Variants in CRISPLD2 observed in about 807,000 individuals in gnomAD.
The protein encoded by CRISPLD2 is cysteine rich secretory protein LCCL domain containing 2, also known as cysteine-rich secretory protein LCCL domain-containing 2.
In CRISPLD2, 47 loss-of-function variants were observed where a neutral mutation model predicts 71.1. That is an observed-to-expected ratio of 0.66 (90% confidence interval 0.52 to 0.84). CRISPLD2 has a LOEUF of 0.84. Ranked by LOEUF, CRISPLD2 falls within the 40% of genes least tolerant of loss-of-function variation. The pLI, the probability that CRISPLD2 is intolerant of heterozygous loss-of-function variation, is 0.00. For synonymous variants in CRISPLD2, 317 were observed against 250.1 expected (o/e 1.27, Z -2.52); for missense variants, 830 against 651.1 (o/e 1.27, Z -2.99).
chr16:84,859,194 G>A (rs754499122), intron 6 of CRISPLD2, among the ~76,000 whole-genome samples: 7 of 152,216 alleles, frequency 4.6e-5, no homozygotes, highest in Non-Finnish European at 8.8e-5. Context: ...CAGCTGCTAA[G>A]TATGTCTATG....
At chr16:84,833,686 T>C (rs2143157702) in intron 1 of CRISPLD2, among the ~76,000 whole-genome samples, 1 of 152,292 alleles carries the variant, frequency 6.6e-6, no homozygotes. Context: ...CAGCTCATCA[T>C]ATCTGGGTCA....
chr16:84,858,410 G>C (rs1161006343), intron 6 of CRISPLD2, among the ~76,000 whole-genome samples: 6 of 152,144 alleles, frequency 3.9e-5, no homozygotes, highest in Non-Finnish European at 8.8e-5. Context: ...ATTGTAGGAG[G>C]GGCCAAATGC....
chr16:84,854,789 C>T lies in CRISPLD2; in HGVS notation c.669C>T (p.Pro223=). 1 of 1,614,172 alleles carries T rather than the reference C, an allele frequency of 6.2e-7. No individual in the cohort carries two copies. The highest frequency in any genetic ancestry group is 8.5e-7 in the Non-Finnish European group (1 of 1,180,016). Residue 223 remains proline (P), a synonymous_variant, in exon 6 of 15, where the codon CCC becomes CCT. Transcript: ENST00000262424. Reference sequence around the variant, plus strand: ...GCCGGCCCTGCTCTGAGTGCCCACCCAGCTATGGAGGCAGCTGCAGGAACA... The same window carrying T: ...GCCGGCCCTGCTCTGAGTGCCCACCTAGCTATGGAGGCAGCTGCAGGAACA... ...KNGRPCSECP[P]SYGGSCRNNL... is the part of the protein sequence containing the mutation.
Position 84,907,867 on chromosome 16 carries a change from C to T in CRISPLD2, c.*1225C>T, listed in dbSNP as rs913248562. 3.9e-5 allele frequency: 6 copies of T among 152,318 alleles called. No homozygotes were observed. Among genetic ancestry groups the T allele is most frequent in the Non-Finnish European group, 8.8e-5 (6 of 68,026 alleles). 9.4% of individuals were successfully genotyped at this position (152,318 alleles called of 1,614,324 possible). A position where few individuals can be genotyped will look rare whatever the true frequency, so the allele number is the denominator to read the frequency against. On this transcript the variant is annotated 3_prime_UTR_variant, in exon 15 of 15. Coordinates refer to ENST00000262424, the MANE Select transcript of CRISPLD2 (RefSeq NM_031476.4). ...TCCCGAGGCGCCAAGGAGTGTAGTA[C>T]ACCCTGGCTGCCATCACTCTATAAA...
At chr16:84,892,249 C>T (rs959503599) in intron 14 of CRISPLD2, among the ~76,000 whole-genome samples, 2 of 152,186 alleles carry the variant, frequency 1.3e-5, no homozygotes, top group Non-Finnish European at 2.9e-5. Context: ...TCTGCTGAAT[C>T]GGAATCTCTG....
rs747279745 is a variant in CRISPLD2, at chr16:84,873,127, C to G, written c.1112+5C>G. 5 of 1,610,114 alleles carry G rather than the reference C, an allele frequency of 3.1e-6. No individual in the cohort carries two copies. Among genetic ancestry groups the G allele is most frequent in the Non-Finnish European group, 3.4e-6 (4 of 1,178,576 alleles). On this transcript the variant is annotated splice_donor_5th_base_variant and intron_variant, in intron 10 of 14. Coordinates refer to ENST00000262424, the MANE Select transcript of CRISPLD2 (RefSeq NM_031476.4). ...ACACGGCGTGCAGTCCCTCAGGTAA[C>G]TACTCTGTGATCGGGGCTCTGTGAA...
At chr16:84,858,566 C>G (rs1283947577) in intron 6 of CRISPLD2, among the ~76,000 whole-genome samples, 1 of 152,210 alleles carries the variant, frequency 6.6e-6, no homozygotes, top group African/African-American at 2.4e-5. Flanking sequence ...ACCAATAAGT[C>G]CAACGTGTTT....
At position 84,871,871 on chromosome 16, in the gene CRISPLD2, A is replaced by G. The variant is rs982658271; in HGVS notation, c.915-571A>G. Among the ~76,000 whole-genome samples, 44 of 18,418 alleles carry G rather than the reference A, an allele frequency of 2.4e-3. 2 individuals are homozygous for G. In the African/African-American group the frequency reaches 0.033, roughly 14 times the overall value. 12.1% of individuals were successfully genotyped at this position (18,418 alleles called of 152,430 possible). A position where few individuals can be genotyped will look rare whatever the true frequency, so the allele number is the denominator to read the frequency against. On this transcript the variant is annotated intron_variant, in intron 8 of 14. Transcript: ENST00000262424. ...CTGGCCTTGTTTTTTTTCAAATGAG[A>G]AAAAAAAAAAAAAAAAAAAAAAAAA...
At chr16:84,822,409 A>G (rs1916251158) in intron 1 of CRISPLD2, among the ~76,000 whole-genome samples, 1 of 152,224 alleles carries the variant, frequency 6.6e-6, no homozygotes, top group Non-Finnish European at 1.5e-5. Context: ...TTTGGAGGTC[A>G]GAAAGTTTTT....
At chr16:84,904,037 A>G (rs1442323243) in intron 14 of CRISPLD2, among the ~76,000 whole-genome samples, 4 of 152,220 alleles carry the variant, frequency 2.6e-5, no homozygotes, top group Non-Finnish European at 5.9e-5. Context: ...CTGGTGGCCA[A>G]GACACAGGAA....
chr16:84,841,445 G>A (rs1916768448), intron 2 of CRISPLD2, among the ~76,000 whole-genome samples: 1 of 152,130 alleles, frequency 6.6e-6, no homozygotes, highest in African/African-American at 2.4e-5. Context: ...AGAGAGGCAG[G>A]CAGGGGCAAA....
At chr16:84,822,560 T>C (rs975135676) in intron 1 of CRISPLD2, among the ~76,000 whole-genome samples, 2 of 152,212 alleles carry the variant, frequency 1.3e-5, no homozygotes, top group African/African-American at 4.8e-5. Context: ...CTTTTTCTTT[T>C]TTCTTCTTTT....
chr16:84,868,531 C>G (rs760948339), intron 7 of CRISPLD2, among the ~76,000 whole-genome samples: 1 of 152,192 alleles, frequency 6.6e-6, no homozygotes, highest in Non-Finnish European at 1.5e-5. Flanking sequence ...GGCACCCTGC[C>G]AAGGCCAGAG....
intron 13 of CRISPLD2, among the ~76,000 whole-genome samples, chr16:84,888,109 AG>A (rs1378407689): frequency 6.6e-6 from 1 of 152,210 alleles, no homozygotes; most frequent in Non-Finnish European, 1.5e-5. Context: ...GGGTGTCACC[AG>A]GCTAAAATCA....
intron 4 of CRISPLD2, among the ~76,000 whole-genome samples, chr16:84,849,858 C>T (rs1005157712): frequency 3.6e-4 from 54 of 150,320 alleles, no homozygotes; most frequent in Non-Finnish European, 6.6e-4. Flanking sequence ...CCTGGGACTA[C>T]AGTTGTGCAC....
chr16:84,852,638 G>C (rs1298019753), intron 5 of CRISPLD2, among the ~76,000 whole-genome samples: 1 of 152,186 alleles, frequency 6.6e-6, no homozygotes, highest in African/African-American at 2.4e-5. Flanking sequence ...GGGTGAGGAG[G>C]GTGGCTGGGA....
At chr16:84,890,181 AC>A (rs1269934048) in intron 14 of CRISPLD2, among the ~76,000 whole-genome samples, 1 of 151,338 alleles carries the variant, frequency 6.6e-6, no homozygotes. Context: ...ACATGATGAA[AC>A]CCCCGTCTCT....
intron 2 of CRISPLD2, 163 bp downstream of exon 2, chr16:84,838,898 G>A (rs1426294983): frequency 2.1e-6 from 2 of 971,942 alleles, no homozygotes; most frequent in Non-Finnish European, 3.2e-6. Flanking sequence ...TGTTTTGTTT[G>A]TTTGTTTTGA....
chr16:84,849,055 G>A (rs560434727), intron 3 of CRISPLD2, among the ~76,000 whole-genome samples: 1 of 151,846 alleles, frequency 6.6e-6, no homozygotes, highest in African/African-American at 2.4e-5. Context: ...TGCAGGTGGT[G>A]TATGAGCCAC....
Sources: allele counts gnomAD v4.1 joint callset (sites outside exome capture counted in the v4.1 genomes callset), GRCh38; gene constraint gnomAD v4.1.1; transcripts MANE v1.5; gene names NCBI Gene and HGNC (gene_info 2026-07-23, HGNC 2026-07-21).